Variants in PDK1 observed in about 807,000 individuals in gnomAD.
The protein encoded by PDK1 is [Pyruvate dehydrogenase (acetyl-transferring)] kinase isozyme 1, mitochondrial.
Under a neutral mutation model 54.2 loss-of-function variants are expected in PDK1, and 39 were observed. That is an observed-to-expected ratio of 0.72 (90% CI 0.56 to 0.94). PDK1 has a LOEUF of 0.94. Among genes scored for constraint, PDK1 ranks in the 40% least tolerant of loss-of-function variants. The probability of loss-of-function intolerance (pLI) is 0.00; values close to 1 mark genes in which losing one functional copy is unlikely to be tolerated. For missense variants in PDK1, 552 were observed against 566.0 expected, an observed-to-expected ratio of 0.98 and a Z score of 0.25; for synonymous variants, 221 against 207.1, an observed-to-expected ratio of 1.07 and a Z score of -0.58.
At chr2:172,659,980 G>T in the PDK1 span, among the ~76,000 whole-genome samples, 5 of 152,078 alleles carry the variant, frequency 3.3e-5, no homozygotes, top group East Asian at 9.7e-4. Context: ...CATCTAGCAG[G>T]AATGTGAGGG....
At chr2:172,569,787 G>T (rs930031762) in intron 7 of PDK1, among the ~76,000 whole-genome samples, 8 of 152,116 alleles carry the variant, frequency 5.3e-5, no homozygotes, top group African/African-American at 1.9e-4. Context: ...GCCTCAAGCA[G>T]TCCTGCCCCA....
the PDK1 span, among the ~76,000 whole-genome samples, chr2:172,665,821 G>C: frequency 0.13 from 20,278 of 152,128 alleles, 2,335 homozygotes; most frequent in East Asian, 0.53. Flanking sequence ...TTGTGGAAAA[G>C]TCTGAGTGTC....
intron 8 of PDK1, among the ~76,000 whole-genome samples, chr2:172,585,116 C>A (rs907864271): frequency 1.1e-4 from 17 of 152,024 alleles, no homozygotes; most frequent in African/African-American, 4.1e-4. Flanking sequence ...CCTTCCTCAG[C>A]CTCCCAAGTA....
intron 10 of PDK1, among the ~76,000 whole-genome samples, chr2:172,593,872 A>G (rs552337106): frequency 6.6e-6 from 1 of 152,052 alleles, no homozygotes; most frequent in East Asian, 1.9e-4. Context: ...TAGTGACTCT[A>G]GTTTCTTGTT....
At chr2:172,613,891 T>G in the PDK1 span, among the ~76,000 whole-genome samples, 1 of 152,034 alleles carries the variant, frequency 6.6e-6, no homozygotes, top group Non-Finnish European at 1.5e-5. Context: ...CCCGCCCTCC[T>G]GGGCTCCTCA....
the PDK1 span, among the ~76,000 whole-genome samples, chr2:172,715,717 A>T: frequency 6.6e-6 from 1 of 152,186 alleles, no homozygotes; most frequent in Non-Finnish European, 1.5e-5. Context: ...TTATGTCCAT[A>T]AGGAAAAAAA....
the PDK1 span, among the ~76,000 whole-genome samples, chr2:172,708,528 G>A: frequency 6.6e-6 from 1 of 152,106 alleles, no homozygotes; most frequent in African/African-American, 2.4e-5. Flanking sequence ...TGACAAAAAA[G>A]ATAAATTAAG....
chr2:172,677,846 A>G, the PDK1 span, among the ~76,000 whole-genome samples: 2 of 152,230 alleles, frequency 1.3e-5, no homozygotes, highest in African/African-American at 4.8e-5. Context: ...TTAATCCAAA[A>G]CTGTATAGCT....
chr2:172,624,235 C>T, the PDK1 span, among the ~76,000 whole-genome samples: 2 of 152,144 alleles, frequency 1.3e-5, no homozygotes, highest in African/African-American at 4.8e-5. Context: ...GAAAGCTTAT[C>T]TCCGGAGATG....
chr2:172,689,945 G>A, the PDK1 span, among the ~76,000 whole-genome samples: 48 of 150,448 alleles, frequency 3.2e-4, no homozygotes, highest in African/African-American at 1.1e-3. Flanking sequence ...CATGGGCAAG[G>A]ACTTCATGTC....
chr2:172,647,921 G>A, the PDK1 span, among the ~76,000 whole-genome samples: 1 of 152,162 alleles, frequency 6.6e-6, no homozygotes, highest in Non-Finnish European at 1.5e-5. Context: ...AAGACATAAG[G>A]AAGGTCACAC....
the PDK1 span, among the ~76,000 whole-genome samples, chr2:172,622,652 CATGTGAGATATGTTTATATCTCAT>C: frequency 7.9e-6 from 1 of 126,672 alleles, no homozygotes; most frequent in South Asian, 2.5e-4. Context: ...GTTTATATCT[CATGTGAGATATGTTTATATCTCAT>C]ATATTATGTG....
rs1691180086 is a variant in PDK1 at position 172,603,409 on chromosome 2, T to C, written c.*7440T>C. On this transcript the variant is annotated 3_prime_UTR_variant, in exon 11 of 11. Coordinates refer to ENST00000282077, the MANE Select transcript of PDK1 (RefSeq NM_002610.5). ...TTAAGGATCTTACCCAGTGAACATA[T>C]AACTAGTGGAAATCCTGATAATTGG... 1.3e-5 allele frequency: 2 copies of C among 152,200 alleles called. No individual in the cohort carries two copies. Among genetic ancestry groups the C allele is most frequent in the South Asian group, 4.1e-4 (2 of 4,828 alleles). The allele number at this position is 152,200 out of a possible 1,614,324, so 9.4% of individuals were successfully genotyped here.
rs1242108168 is a variant in PDK1, at chr2:172,570,784, A to T, written c.905A>T (p.Gln302Leu). ...AACAGAGGTGTTTACCCCCCTATTC[A>T]AGTTCATGTCACGCTGGGTAATGAG... ...HANRGVYPPI[Q>L]VHVTLGNEDL... Residue 302 changes from glutamine (Q) to leucine (L), a missense_variant, in exon 8 of 11, where the codon CAA becomes CTA. Gln to Leu is a moderately radical substitution (Grantham distance 113). Coordinates refer to ENST00000282077, the MANE Select transcript of PDK1 (RefSeq NM_002610.5). 1 of 1,612,128 alleles carries T rather than the reference A, an allele frequency of 6.2e-7. No homozygotes were observed. Among genetic ancestry groups the T allele is most frequent in the Non-Finnish European group, 8.5e-7 (1 of 1,178,316 alleles).
At chr2:172,650,020 C>G in the PDK1 span, among the ~76,000 whole-genome samples, 1 of 152,000 alleles carries the variant, frequency 6.6e-6, no homozygotes, top group African/African-American at 2.4e-5. Context: ...AAGAGCAACT[C>G]CAAGACACAT....
At chr2:172,629,590 AC>A in the PDK1 span, among the ~76,000 whole-genome samples, 2 of 151,806 alleles carry the variant, frequency 1.3e-5, no homozygotes, top group African/African-American at 4.8e-5. Context: ...AATCCTCCAC[AC>A]TCACCACCCT....
At chr2:172,556,568 G>A (rs1688340655) in intron 1 of PDK1, 2 of 400,820 alleles carry the variant, frequency 5.0e-6, no homozygotes, top group Non-Finnish European at 8.8e-6. Flanking sequence ...TGACCGTATT[G>A]TTGAAAACAA....
intron 6 of PDK1, 53 bp downstream of exon 6, chr2:172,566,986 AGGGAT>A (rs952470673): frequency 2.1e-5 from 25 of 1,181,278 alleles, no homozygotes; most frequent in African/African-American, 1.1e-4. Context: ...TTACTTGATA[AGGGAT>A]AAGAATTTAA....
At chr2:172,708,516 A>T in the PDK1 span, among the ~76,000 whole-genome samples, 2 of 152,226 alleles carry the variant, frequency 1.3e-5, no homozygotes, top group Admixed American at 6.5e-5. Flanking sequence ...CTCACGAAAT[A>T]ATGACAAAAA....
Sources: allele counts gnomAD v4.1 joint callset (sites outside exome capture counted in the v4.1 genomes callset), GRCh38; gene constraint gnomAD v4.1.1; transcripts MANE v1.5; gene names NCBI Gene and HGNC (gene_info 2026-07-23, HGNC 2026-07-21).